The following ABTB3 variants were observed in gnomAD, a reference collection of about 807,000 sequenced individuals.
The protein encoded by ABTB3 is ankyrin repeat and BTB domain containing 3, also known as ankyrin repeat- and BTB/POZ domain-containing protein 3.
At chr12:107,511,992 G>A in the ABTB3 span, among the ~76,000 whole-genome samples, 1 of 152,092 alleles carries the variant, frequency 6.6e-6, no homozygotes, top group Non-Finnish European at 1.5e-5. Flanking sequence ...AGTCCAAGAG[G>A]ACTTTGAGGG....
At chr12:107,360,947 T>TTTTG in the ABTB3 span, among the ~76,000 whole-genome samples, 1 of 143,040 alleles carries the variant, frequency 7.0e-6, no homozygotes, top group Non-Finnish European at 1.5e-5. Context: ...TTTTTTTTTT[T>TTTTG]TTTTTGTAGA....
At chr12:107,499,201 C>G in the ABTB3 span, among the ~76,000 whole-genome samples, 116 of 152,234 alleles carry the variant, frequency 7.6e-4, 1 homozygote, top group Admixed American at 6.8e-3. Flanking sequence ...GATTTCATGA[C>G]TTACTGGTTC....
the ABTB3 span, among the ~76,000 whole-genome samples, chr12:107,545,589 A>G: frequency 1.6e-4 from 25 of 152,122 alleles, no homozygotes; most frequent in Admixed American, 1.0e-3. Flanking sequence ...CAATATTTCA[A>G]TCCAGTCTGG....
the ABTB3 span, among the ~76,000 whole-genome samples, chr12:107,502,843 C>G: frequency 3.7e-4 from 57 of 152,166 alleles, no homozygotes; most frequent in Non-Finnish European, 6.3e-4. Flanking sequence ...ATCCTAAAAC[C>G]ATCCCTGGCC....
At chr12:107,469,980 CTT>C in the ABTB3 span, among the ~76,000 whole-genome samples, 4 of 81,370 alleles carry the variant, frequency 4.9e-5, no homozygotes, top group African/African-American at 2.3e-4. Context: ...TTCTTTCTTT[CTT>C]TCTTTCTTTC....
chr12:107,509,866 C>A, the ABTB3 span, among the ~76,000 whole-genome samples: 2 of 152,194 alleles, frequency 1.3e-5, no homozygotes, highest in African/African-American at 4.8e-5. Flanking sequence ...AAAAGAAAGC[C>A]TTCTGGCATT....
chr12:107,617,166 G>C, the ABTB3 span: 41 of 1,614,074 alleles, frequency 2.5e-5, no homozygotes, highest in Non-Finnish European at 3.2e-5. Context: ...CACCCCTCCA[G>C]CTGGCAGCTG....
At chr12:107,611,456 C>T in the ABTB3 span, among the ~76,000 whole-genome samples, 2 of 152,210 alleles carry the variant, frequency 1.3e-5, no homozygotes, top group Admixed American at 6.5e-5. Context: ...GCTGGGATTA[C>T]AGGCATGAGC....
chr12:107,371,446 G>A, the ABTB3 span, among the ~76,000 whole-genome samples: 1 of 152,108 alleles, frequency 6.6e-6, no homozygotes, highest in Non-Finnish European at 1.5e-5. Flanking sequence ...GGTTGGGGAG[G>A]GGCACTCAGT....
the ABTB3 span, chr12:107,320,110 T>A: frequency 7.2e-7 from 1 of 1,385,648 alleles, no homozygotes; most frequent in Non-Finnish European, 9.5e-7. Context: ...CCCTCTCACC[T>A]AACCTGGCCA....
the ABTB3 span, chr12:107,649,261 A>C: frequency 6.2e-7 from 1 of 1,613,300 alleles, no homozygotes; most frequent in Non-Finnish European, 8.5e-7. Flanking sequence ...ATTAAAAACA[A>C]TGAGATCATG....
chr12:107,654,589 G>A, the ABTB3 span, among the ~76,000 whole-genome samples: 4 of 152,218 alleles, frequency 2.6e-5, no homozygotes, highest in Middle Eastern at 3.4e-3. Flanking sequence ...GTGAGCCACC[G>A]CGCCTGGCCT....
the ABTB3 span, among the ~76,000 whole-genome samples, chr12:107,651,381 A>G: frequency 5.3e-5 from 8 of 152,158 alleles, no homozygotes; most frequent in East Asian, 1.4e-3. Flanking sequence ...TTTCACCCTT[A>G]TTTCTGGACA....
At chr12:107,329,611 G>A in the ABTB3 span, among the ~76,000 whole-genome samples, 22,936 of 152,254 alleles carry the variant, frequency 0.15, 2,063 homozygotes, top group Non-Finnish European at 0.19. Context: ...GACTTCTGGA[G>A]TTTGACCACT....
At chr12:107,417,645 A>T in the ABTB3 span, among the ~76,000 whole-genome samples, 1 of 152,230 alleles carries the variant, frequency 6.6e-6, no homozygotes, top group Admixed American at 6.5e-5. Flanking sequence ...CGTAGGGAGA[A>T]TAAGTAGAAG....
the ABTB3 span, among the ~76,000 whole-genome samples, chr12:107,420,759 G>T: frequency 6.6e-6 from 1 of 152,186 alleles, no homozygotes; most frequent in African/African-American, 2.4e-5. Context: ...GACTCAGGCA[G>T]TTTACTCGAC....
At chr12:107,613,924 T>C in the ABTB3 span, among the ~76,000 whole-genome samples, 3 of 152,146 alleles carry the variant, frequency 2.0e-5, no homozygotes, top group Admixed American at 6.5e-5. Flanking sequence ...AGACACAGTT[T>C]TGGATCCAGA....
the ABTB3 span, among the ~76,000 whole-genome samples, chr12:107,626,021 A>G: frequency 1.3e-5 from 2 of 152,170 alleles, no homozygotes; most frequent in Non-Finnish European, 2.9e-5. Flanking sequence ...GGCTAGATAC[A>G]GCAGGCTTTT....
At chr12:107,403,033 C>T in the ABTB3 span, among the ~76,000 whole-genome samples, 2 of 152,234 alleles carry the variant, frequency 1.3e-5, no homozygotes, top group African/African-American at 4.8e-5. Flanking sequence ...TCTCCTCCAT[C>T]TGCTCCAGGT....
Sources: gnomAD v4.1 joint callset for allele counts (sites outside exome capture counted in the v4.1 genomes callset) on GRCh38, gnomAD v4.1.1 for gene constraint, MANE v1.5 for transcripts, NCBI Gene and HGNC (gene_info 2026-07-23, HGNC 2026-07-21) for gene names.